OLFML2B: variants seen among roughly 807,000 people sequenced by gnomAD.
The protein encoded by OLFML2B is olfactomedin-like protein 2B.
In OLFML2B, 57 loss-of-function variants were observed where a neutral mutation model predicts 74.9. The ratio of observed to expected loss-of-function variants is 0.76; its 90% CI spans 0.61 to 0.95. The LOEUF is 0.95. OLFML2B is among the 40% of genes least tolerant of loss of function. The pLI is 0.00. For missense variants in OLFML2B, 986 were observed against 970.6 expected, an observed-to-expected ratio of 1.02 and a Z score of -0.21; for synonymous variants, 388 against 405.8, an observed-to-expected ratio of 0.96 and a Z score of 0.53.
intron 6 of OLFML2B, 139 bp downstream of exon 6, chr1:161,997,686 G>T: frequency 1.1e-6 from 1 of 878,602 alleles, no homozygotes; most frequent in Non-Finnish European, 1.7e-6. Flanking sequence ...ACTAATCGTT[G>T]GTCAAAGGCT....
chr1:162,018,475 C>A (rs1004099655), intron 2 of OLFML2B, among the ~76,000 whole-genome samples: 1 of 152,226 alleles, frequency 6.6e-6, no homozygotes, highest in Admixed American at 6.5e-5. Flanking sequence ...TGAAAGACAT[C>A]GACAGGTTCT....
chr1:161,984,705 T>C (rs1689536538), intron 7 of OLFML2B, 99 bp downstream of exon 7: 6 of 1,269,112 alleles, frequency 4.7e-6, no homozygotes, highest in Non-Finnish European at 6.7e-6. Context: ...GGTGTCATCC[T>C]TCCTATCCGT....
chr1:161,996,926 G>A (rs967227829), intron 6 of OLFML2B, among the ~76,000 whole-genome samples: 13 of 152,192 alleles, frequency 8.5e-5, no homozygotes, highest in African/African-American at 2.9e-4. Context: ...GGGAGGCCGA[G>A]GTGGGGGGAT....
At chr1:162,006,580 A>C in intron 3 of OLFML2B, 107 bp from the exon 4 acceptor site, 1 of 873,254 alleles carries the variant, frequency 1.1e-6, no homozygotes, top group Admixed American at 2.7e-5. Flanking sequence ...AGACAGGCTG[A>C]GAAATCATCC....
chr1:161,994,886 T>C (rs1689848542), intron 6 of OLFML2B, among the ~76,000 whole-genome samples: 1 of 152,256 alleles, frequency 6.6e-6, no homozygotes, highest in African/African-American at 2.4e-5. Context: ...AAAATCTTTC[T>C]TTTAAAATTA....
At chr1:161,986,136 C>T (rs558635160) in intron 6 of OLFML2B, among the ~76,000 whole-genome samples, 12 of 152,276 alleles carry the variant, frequency 7.9e-5, no homozygotes, top group African/African-American at 2.9e-4. Flanking sequence ...GCTTCCTTAC[C>T]CCCTGCTGGC....
intron 2 of OLFML2B, among the ~76,000 whole-genome samples, chr1:162,019,387 G>C (rs552175456): frequency 1.3e-5 from 2 of 152,138 alleles, no homozygotes; most frequent in Admixed American, 6.5e-5. Context: ...AAGGGAAGAG[G>C]GGGTGCAGGA....
intron 3 of OLFML2B, among the ~76,000 whole-genome samples, chr1:162,008,990 A>G (rs1417738886): frequency 6.6e-6 from 1 of 152,178 alleles, no homozygotes; most frequent in African/African-American, 2.4e-5. Context: ...AGCCTAAGAC[A>G]GATCACCAAG....
At position 161,984,184 on chromosome 1, in the gene OLFML2B, TGAAGGCGCGATTGTAGTA is replaced by T; in HGVS notation, c.1726_1743del (p.Tyr576_Phe581del). The T allele has an allele frequency of 6.2e-7, 1 of 1,600,812 alleles. No homozygotes were observed. The highest frequency in any genetic ancestry group is 1.3e-5 in the African/African-American group (1 of 74,762). On this transcript the variant is annotated inframe_deletion, in exon 8 of 8. Coordinates refer to ENST00000294794, the MANE Select transcript of OLFML2B (RefSeq NM_015441.3). ...AGGTCGTACTTGATGATGTTGCGGG[TGAAGGCGCGATTGTAGTA>T]GAAGGCGCCATTGTATACCACGTGG...
rs1437373914 is a variant in OLFML2B, at chr1:162,006,292, T to C, written c.723+5A>G. 2.5e-6 allele frequency: 4 copies of C among 1,570,612 alleles called. No homozygotes were observed. Among genetic ancestry groups the C allele is most frequent in the Admixed American group, 4.0e-5 (2 of 50,322 alleles). On this transcript the variant is annotated splice_donor_5th_base_variant and intron_variant, in intron 4 of 7. Coordinates refer to ENST00000294794, the MANE Select transcript of OLFML2B (RefSeq NM_015441.3). ...ATCAGAGGCCCTTGGAGGCTGGGGC[T>C]ATACCTCTGGGTGGGCGTAGGCTGC...
At chr1:162,021,569 G>C (rs529425056) in intron 1 of OLFML2B, among the ~76,000 whole-genome samples, 2 of 152,376 alleles carry the variant, frequency 1.3e-5, no homozygotes, top group East Asian at 3.9e-4. Flanking sequence ...TTGGGATGCT[G>C]TCTGGGGGAA....
At chr1:161,984,541 AGGGCTAT>A (rs1028558803) in intron 7 of OLFML2B, among the ~76,000 whole-genome samples, 7 of 152,164 alleles carry the variant, frequency 4.6e-5, no homozygotes, top group African/African-American at 1.7e-4. Context: ...TAAATTGTCA[AGGGCTAT>A]GGGAAAGGGA....
chr1:162,019,011 G>A, intron 2 of OLFML2B, among the ~76,000 whole-genome samples: 1 of 152,194 alleles, frequency 6.6e-6, no homozygotes, highest in East Asian at 1.9e-4. Context: ...TCAGAAAGTT[G>A]TTCCATGGCA....
chr1:162,021,286 C>T (rs1038898175), intron 1 of OLFML2B, among the ~76,000 whole-genome samples: 2 of 152,250 alleles, frequency 1.3e-5, no homozygotes, highest in Non-Finnish European at 2.9e-5. Flanking sequence ...GGAAAGCAAA[C>T]TGGCAGCACT....
chr1:162,005,606 C>T (rs1304550850), intron 4 of OLFML2B, among the ~76,000 whole-genome samples: 1 of 152,120 alleles, frequency 6.6e-6, no homozygotes, highest in Non-Finnish European at 1.5e-5. Flanking sequence ...AATAACCATG[C>T]CAGGGCCAGG....
At chr1:161,986,378 A>G (rs1193067992) in intron 6 of OLFML2B, among the ~76,000 whole-genome samples, 2 of 152,180 alleles carry the variant, frequency 1.3e-5, no homozygotes, top group African/African-American at 4.8e-5. Context: ...CCTGCAGCTG[A>G]CAGGACAGGA....
intron 4 of OLFML2B, 125 bp downstream of exon 4, chr1:162,006,172 G>T: frequency 1.2e-6 from 1 of 845,750 alleles, no homozygotes; most frequent in Non-Finnish European, 1.7e-6. Context: ...CAGAACAATT[G>T]TATGGATGAA....
chr1:161,995,605 T>C (rs979076196), intron 6 of OLFML2B, among the ~76,000 whole-genome samples: 75 of 152,174 alleles, frequency 4.9e-4, no homozygotes, highest in Non-Finnish European at 8.8e-5. Context: ...GGCTGGGTTC[T>C]GGGACCCAGG....
rs531682056 is a variant in OLFML2B, at chr1:162,020,107, G to C, written c.250C>G (p.Leu84Val). The change falls in exon 2 of 8, where the codon CTG becomes GTG. Residue 84 changes from leucine to valine, a missense_variant. Physicochemically the swap from Leu to Val is conservative, Grantham distance 32 (BLOSUM62 1). Transcript: ENST00000294794. ...ATCCTCTGGCAGGCATCCCGGCCCA[G>C]GGGTCTCACCACACACTTGCACTGA... is the stretch of plus-strand genomic sequence containing the variant. ...DCQCKCVVRPLGRDACQRINA... is the reference protein window; with the variant it reads ...DCQCKCVVRPVGRDACQRINA... 1 of 1,614,182 alleles carries C rather than the reference G, an allele frequency of 6.2e-7. No individual in the cohort carries two copies. The highest frequency in any genetic ancestry group is 1.1e-5 in the South Asian group (1 of 91,086).
Sources: allele counts gnomAD v4.1 joint callset (sites outside exome capture counted in the v4.1 genomes callset), GRCh38; gene constraint gnomAD v4.1.1; transcripts MANE v1.5; gene names NCBI Gene and HGNC (gene_info 2026-07-23, HGNC 2026-07-21).